MTRF1L: variants seen among roughly 807,000 people sequenced by gnomAD.
The protein encoded by MTRF1L is peptide chain release factor 1-like, mitochondrial.
A neutral mutation model predicts 40.0 loss-of-function variants in MTRF1L; 29 were observed. The ratio of observed to expected loss-of-function variants is 0.73; its 90% confidence interval spans 0.54 to 0.99. The LOEUF (loss-of-function observed/expected upper bound fraction) is 0.99. Among genes scored for constraint, MTRF1L ranks in the 50% least tolerant of loss-of-function variants. The pLI is 0.00. For missense variants in MTRF1L, 412 were observed against 464.5 expected, an observed-to-expected ratio of 0.89 and a Z score of 1.04; for synonymous variants, 150 against 175.8, an observed-to-expected ratio of 0.85 and a Z score of 1.16.
In MTRF1L at chr6:152,998,535, G is replaced by T; in HGVS notation, c.339+15C>A. On this transcript the variant is annotated intron_variant, in intron 2 of 6. Transcript: ENST00000367233. The stretch of plus-strand genomic sequence containing the variant: ...GAATAGCACAAATGCTTTATTCTTT[G>T]CAGAAATACCATACCTGATGCTTCA... 2 of 1,544,408 alleles carry T rather than the reference G, an allele frequency of 1.3e-6. No homozygotes were observed. Among genetic ancestry groups the T allele is most frequent in the African/African-American group, 1.4e-5 (1 of 71,246 alleles).
intron 1 of MTRF1L, among the ~76,000 whole-genome samples, chr6:153,000,405 A>T (rs1404900456): frequency 2.0e-5 from 3 of 152,228 alleles, no homozygotes; most frequent in Non-Finnish European, 4.4e-5. Flanking sequence ...AAATTGCTCA[A>T]CAGCTGTGTG....
intron 2 of MTRF1L, 172 bp downstream of exon 2, chr6:152,998,378 A>G: frequency 2.2e-6 from 1 of 451,880 alleles, no homozygotes; most frequent in South Asian, 4.0e-5. Flanking sequence ...TATACCTTAA[A>G]TATATGCAAT....
Position 152,989,788 on chromosome 6 carries a change from A to C in MTRF1L, c.*107T>G. 7.6e-7 allele frequency: 1 copy of C among 1,309,376 alleles called. No individual in the cohort carries two copies. The highest frequency in any genetic ancestry group is 1.0e-6 in the Non-Finnish European group (1 of 979,440). 81.1% of individuals were successfully genotyped at this position (1,309,376 alleles called of 1,614,324 possible). The stretch of plus-strand genomic sequence containing the variant: ...ACTTCAGAATATGCATATTACCTCC[A>C]ACTGTGTTAACTCAACGTTTTTCAA... On this transcript the variant is annotated 3_prime_UTR_variant, in exon 7 of 7. Coordinates refer to ENST00000367233, the MANE Select transcript of MTRF1L (RefSeq NM_019041.7).
At chr6:152,999,903 T>C (rs1400193628) in intron 1 of MTRF1L, among the ~76,000 whole-genome samples, 1 of 152,164 alleles carries the variant, frequency 6.6e-6, no homozygotes, top group East Asian at 1.9e-4. Context: ...AGTTGTGCCT[T>C]GAAGGAATCT....
At chr6:152,991,784 C>T (rs1778531904) in intron 5 of MTRF1L, among the ~76,000 whole-genome samples, 3 of 152,118 alleles carry the variant, frequency 2.0e-5, no homozygotes, top group Non-Finnish European at 4.4e-5. Context: ...CTCCTGACCT[C>T]GTGATCCGCC....
intron 3 of MTRF1L, 39 bp downstream of exon 3, chr6:152,995,097 T>C (rs747035971): frequency 5.2e-6 from 8 of 1,534,890 alleles, no homozygotes; most frequent in Admixed American, 4.1e-5. Flanking sequence ...ACTCTTTTCC[T>C]AAACACTTTA....
In MTRF1L at chr6:152,994,533, T is replaced by C. The variant is rs1778641306; in HGVS notation, c.667A>G (p.Ile223Val). The change falls in exon 4 of 7, where the codon ATA becomes GTA. Residue 223 changes from isoleucine (I) to valine (V), a missense_variant. Transcript: ENST00000367233. ...CTTACCTCAGTAGGCTGGGGTAATA[T>C]TGCTACAGTCATGGTGCTAGTATGG... ...RVHTSTMTVA[I>V]LPQPTEINLV... The C allele has an allele frequency of 1.2e-6, 2 of 1,611,418 alleles. No individual in the cohort carries two copies. The highest frequency in any genetic ancestry group is 1.7e-5 in the Admixed American group (1 of 59,978).
At position 152,991,270 on chromosome 6, in the gene MTRF1L, A is replaced by C; in HGVS notation, c.857T>G (p.Leu286Arg). The part of the protein sequence containing the change: ...QERSQLKNKE[L>R]AMTKLRAKLY... ...TTTTGCACGTAACTTTGTCATAGCCAGCTCTTTATTTTTCAGCTGAGATCT... is the reference window on the plus strand; with the variant it reads ...TTTTGCACGTAACTTTGTCATAGCCCGCTCTTTATTTTTCAGCTGAGATCT... Residue 286 changes from leucine to arginine, a missense_variant, in exon 6 of 7, where the codon CTG becomes CGG. Transcript: ENST00000367233. The C allele has an allele frequency of 6.2e-7, 1 of 1,603,584 alleles. No homozygotes were observed. The highest frequency in any genetic ancestry group is 8.5e-7 in the Non-Finnish European group (1 of 1,176,616).
chr6:153,001,561 T>C (rs1778918634), intron 1 of MTRF1L, among the ~76,000 whole-genome samples: 2 of 152,210 alleles, frequency 1.3e-5, no homozygotes, highest in South Asian at 4.1e-4. Context: ...TTTTAAAAAA[T>C]TCGGTCCAAC....
Position 153,002,488 on chromosome 6 carries a change from C to T in MTRF1L, c.198G>A (p.Ala66=), listed in dbSNP as rs746264751. The T allele has an allele frequency of 6.2e-7, 1 of 1,613,736 alleles. No homozygotes were observed. The highest frequency in any genetic ancestry group is 1.1e-5 in the South Asian group (1 of 91,060). Residue 66 remains alanine, a synonymous_variant, in exon 1 of 7, where the codon GCG becomes GCA. Transcript: ENST00000367233. ...HLKVRRPELL[A]VIKLLNEKER... The stretch of plus-strand genomic sequence containing the variant: ...CCTTCTCGTTCAGCAGTTTGATCAC[C>T]GCCAGCAACTCGGGCCTCCTGACCT...
At chr6:152,995,928 A>C (rs1291151765) in intron 2 of MTRF1L, among the ~76,000 whole-genome samples, 1 of 152,156 alleles carries the variant, frequency 6.6e-6, no homozygotes, top group African/African-American at 2.4e-5. Context: ...AAGAACACAA[A>C]CCTTTGTGCC....
chr6:153,000,613 T>C (rs543449155), intron 1 of MTRF1L, among the ~76,000 whole-genome samples: 1 of 152,188 alleles, frequency 6.6e-6, no homozygotes, highest in African/African-American at 2.4e-5. Flanking sequence ...AAATGGGTCC[T>C]TTTCTTTTCA....
chr6:152,998,741 A>T (rs1778806554), intron 1 of MTRF1L, 112 bp from the exon 2 acceptor site: 1 of 599,292 alleles, frequency 1.7e-6, no homozygotes, highest in Non-Finnish European at 2.7e-6. Flanking sequence ...AATAAAATGT[A>T]TATCTTGTCC....
rs190761984 is a variant in MTRF1L, at chr6:153,002,182, C to G, written c.259+245G>C. 1.2e-3 allele frequency among the ~76,000 whole-genome samples: 180 copies of G among 152,330 alleles called. 2 individuals carry two copies. Among genetic ancestry groups the G allele is most frequent in the African/African-American group, 4.2e-3 (176 of 41,582 alleles). On this transcript the variant is annotated intron_variant, in intron 1 of 6. Coordinates refer to ENST00000367233, the MANE Select transcript of MTRF1L (RefSeq NM_019041.7). ...TATTTATCCTTGCTGAGCTAATGAG[C>G]TCTTGCCCGAGTCCACAACTAATAA...
In MTRF1L at chr6:152,992,845, A is replaced by G. The variant is rs763494185; in HGVS notation, c.805+12T>C. 2.5e-6 allele frequency: 4 copies of G among 1,592,418 alleles called. No homozygotes were observed. The highest frequency in any genetic ancestry group is 2.2e-5 in the East Asian group (1 of 44,564). ...TTCTTTGGTGTCATATATTGAAGGA[A>G]TAAGTACACACCTGTTGGAAGATGA... On this transcript the variant is annotated intron_variant, in intron 5 of 6. Coordinates refer to ENST00000367233, the MANE Select transcript of MTRF1L (RefSeq NM_019041.7).
At chr6:153,000,286 T>C (rs946582923) in intron 1 of MTRF1L, among the ~76,000 whole-genome samples, 2 of 152,190 alleles carry the variant, frequency 1.3e-5, no homozygotes, top group Non-Finnish European at 2.9e-5. Flanking sequence ...CCCAATATGC[T>C]CCAAATATTA....
Position 152,989,959 on chromosome 6 carries a change from A to C in MTRF1L, c.1079T>G (p.Val360Gly). 6.2e-7 allele frequency: 1 copy of C among 1,613,716 alleles called. No individual in the cohort carries two copies. Among genetic ancestry groups the C allele is most frequent in the Non-Finnish European group, 8.5e-7 (1 of 1,179,832 alleles). ...ATCGGCGTATTCCTTCAATGACTGT[A>C]CAAGTTCATCCAGTAGATAATCTCC... ...MQGDYLLDEL[V>G]QSLKEYADYE... Residue 360 changes from valine (V) to glycine (G), a missense_variant, in exon 7 of 7, where the codon GTA (valine) becomes GGA (glycine). Val to Gly is a moderately radical substitution (Grantham distance 109, BLOSUM62 -3). Transcript: ENST00000367233.
Position 152,995,317 on chromosome 6 carries a change from A to G in MTRF1L, c.342T>C (p.Ile114=), listed in dbSNP as rs752210222. 6.3e-6 allele frequency: 10 copies of G among 1,576,326 alleles called. No individual in the cohort carries two copies. The South Asian group carries it at 7.1e-5, about 11-fold the overall frequency. Reference sequence around the variant, plus strand: ...CTTCTGAGGGAACCAAAAGTAAGATAATCTGTAAATATAAAAATATCACCC... The same window carrying G: ...CTTCTGAGGGAACCAAAAGTAAGATGATCTGTAAATATAAAAATATCACCC... The part of the protein sequence containing the change: ...QKEITQLKHQ[I]ILLLVPSEET... The change falls in exon 3 of 7, where the codon ATT becomes ATC. Residue 114 remains isoleucine (I), a splice_region_variant and synonymous_variant. Transcript: ENST00000367233.
intron 5 of MTRF1L, chr6:152,991,532 GCA>G (rs1778516643): frequency 2.2e-6 from 1 of 444,452 alleles, no homozygotes; most frequent in Non-Finnish European, 3.8e-6. Flanking sequence ...AGCACAAATA[GCA>G]CAAAGTCTTT....
Sources: allele counts gnomAD v4.1 joint callset (sites outside exome capture counted in the v4.1 genomes callset), GRCh38; gene constraint gnomAD v4.1.1; transcripts MANE v1.5; gene names NCBI Gene and HGNC (gene_info 2026-07-23, HGNC 2026-07-21).